LGALS3BP: variants seen among roughly 807,000 people sequenced by gnomAD.
LGALS3BP encodes galectin-3-binding protein.
Under a neutral mutation model 22.9 loss-of-function variants are expected in LGALS3BP, and 25 were observed. The ratio of observed to expected loss-of-function variants is 1.09; its 90% CI spans 0.80 to 1.53. LGALS3BP has a LOEUF of 1.53. Among genes scored for constraint, LGALS3BP ranks in the 40% most tolerant of loss-of-function variants. The pLI is 0.00. For synonymous variants in LGALS3BP, 335 were observed against 331.1 expected (o/e 1.01, Z -0.13); for missense variants, 718 against 752.0 (o/e 0.95, Z 0.53).
chr17:78,971,486 C>T lies in LGALS3BP; in HGVS notation c.*90G>A. 1 of 1,242,324 alleles carries T rather than the reference C, an allele frequency of 8.0e-7. No homozygotes were observed. The highest frequency in any genetic ancestry group is 1.5e-5 in the African/African-American group (1 of 66,400). 77.0% of individuals were successfully genotyped at this position (1,242,324 alleles called of 1,614,324 possible). A position where few individuals can be genotyped will look rare whatever the true frequency, so the allele number is the denominator to read the frequency against. On this transcript the variant is annotated 3_prime_UTR_variant, in exon 6 of 6. Coordinates refer to ENST00000262776, the MANE Select transcript of LGALS3BP (RefSeq NM_005567.4). This position sits in a 1 kb window ranked among gnomAD's most constrained non-coding sequence, Gnocchi z 5.6. The stretch of plus-strand genomic sequence containing the variant: ...CATCTGGTGGCCGGTTGTTGAAGGT[C>T]ATTGCAGAGAGGAAGGAAGCCGAGG...
At position 78,976,850 on chromosome 17, in the gene LGALS3BP, G is replaced by A; in HGVS notation, c.52+290C>T. 4.4e-6 allele frequency: 2 copies of A among 453,308 alleles called. No individual in the cohort carries two copies. The highest frequency in any genetic ancestry group is 8.0e-6 in the Non-Finnish European group (2 of 250,164). 28.1% of individuals were successfully genotyped at this position (453,308 alleles called of 1,614,324 possible). A position where few individuals can be genotyped will look rare whatever the true frequency, so the allele number is the denominator to read the frequency against. On this transcript the variant is annotated intron_variant, in intron 2 of 5. Coordinates refer to ENST00000262776, the MANE Select transcript of LGALS3BP (RefSeq NM_005567.4). The surrounding 1 kb of genome is among the most constrained non-coding windows in gnomAD (Gnocchi z 4.6). ...CGTCCAAGGCCACTGACCTCACAACGGCCCCTGTGACTGCTGGTTTGATCA... is the reference window on the plus strand; with the variant it reads ...CGTCCAAGGCCACTGACCTCACAACAGCCCCTGTGACTGCTGGTTTGATCA...
Position 78,972,077 on chromosome 17 carries a change from T to C in LGALS3BP, c.1257A>G (p.Thr419=). ...ACTTCCGTGCACTCCAGGAACTGTCTGTCACAAAGGCACTCCAGGTGGGCG... is the reference window on the plus strand; with the variant it reads ...ACTTCCGTGCACTCCAGGAACTGTCCGTCACAAAGGCACTCCAGGTGGGCG... ...YTSPTWSAFV[T]DSSWSARKSQ... Residue 419 remains threonine (T), a synonymous_variant, in exon 6 of 6, where the codon ACA becomes ACG. Coordinates refer to ENST00000262776, the MANE Select transcript of LGALS3BP (RefSeq NM_005567.4). This position sits in a 1 kb window ranked among gnomAD's most constrained non-coding sequence, Gnocchi z 5.1. 1.2e-6 allele frequency: 2 copies of C among 1,613,816 alleles called. No homozygotes were observed. Among genetic ancestry groups the C allele is most frequent in the Non-Finnish European group, 1.7e-6 (2 of 1,179,792 alleles).
Position 78,972,211 on chromosome 17 carries a change from T to G in LGALS3BP, c.1123A>C (p.Lys375Gln), listed in dbSNP as rs1218293468. 6.2e-7 allele frequency: 1 copy of G among 1,613,940 alleles called. No individual in the cohort carries two copies. Among genetic ancestry groups the G allele is most frequent in the South Asian group, 1.1e-5 (1 of 91,068 alleles). ...AATTCCAGGGCCTGCAGAGTCTTCT[T>G]CTGGAACAGGGCCTCGTGGCTCCAG... ...LYWSHEALFQ[K>Q]KTLQALEFHT... The change falls in exon 6 of 6, where the codon AAG becomes CAG. Residue 375 changes from lysine to glutamine, a missense_variant. Lys to Gln is a moderately conservative substitution (Grantham distance 53). Transcript: ENST00000262776. This position sits in a 1 kb window ranked among gnomAD's most constrained non-coding sequence, Gnocchi z 5.1.
chr17:78,972,832 G>T lies in LGALS3BP; in HGVS notation c.630-128C>A. The T allele has an allele frequency of 7.1e-7, 1 of 1,416,304 alleles. No homozygotes were observed. Among genetic ancestry groups the T allele is most frequent in the Non-Finnish European group, 9.5e-7 (1 of 1,050,980 alleles). 87.7% of individuals were successfully genotyped at this position (1,416,304 alleles called of 1,614,324 possible). A position where few individuals can be genotyped will look rare whatever the true frequency, so the allele number is the denominator to read the frequency against. On this transcript the variant is annotated intron_variant, in intron 5 of 5. Transcript: ENST00000262776. This position sits in a 1 kb window ranked among gnomAD's most constrained non-coding sequence, Gnocchi z 5.1. ...TGAGCATGCGTGTGTGTGCAACTGCGTGAGTGCATGTGTGACTGCGTGTGT... is the reference window on the plus strand; with the variant it reads ...TGAGCATGCGTGTGTGTGCAACTGCTTGAGTGCATGTGTGACTGCGTGTGT...
rs541114993 is a variant in LGALS3BP, at chr17:78,972,383, G to T, written c.951C>A (p.Ser317Arg). 5 of 1,613,470 alleles carry T rather than the reference G, an allele frequency of 3.1e-6. No individual in the cohort carries two copies. The highest frequency in any genetic ancestry group is 4.2e-6 in the Non-Finnish European group (5 of 1,180,022). The change falls in exon 6 of 6, where the codon AGC becomes AGA. Residue 317 changes from serine (S) to arginine (R), a missense_variant. By Grantham distance (110) the Ser-to-Arg change is moderately radical. Transcript: ENST00000262776. This position sits in a 1 kb window ranked among gnomAD's most constrained non-coding sequence, Gnocchi z 5.1. ...LLPRSDLAVP[S>R]ELALLKAVDT... ...CCACGGCCTTCAGTAGGGCCAGCTC[G>T]CTGGGCACCGCCAGGTCGCTCCTGG... is the stretch of plus-strand genomic sequence containing the variant.
In LGALS3BP at chr17:78,973,402, C is replaced by T. The variant is rs142877593; in HGVS notation, c.377-180G>A. ...GTCGGATTCCTGGACCCTGAGGCCCCGCCCCTTCCAGCCCTGGGGAACAAG... is the reference window on the plus strand; with the variant it reads ...GTCGGATTCCTGGACCCTGAGGCCCTGCCCCTTCCAGCCCTGGGGAACAAG... On this transcript the variant is annotated intron_variant, in intron 4 of 5. Transcript: ENST00000262776. The surrounding 1 kb of genome is among the most constrained non-coding windows in gnomAD (Gnocchi z 5.8). 5.7e-5 allele frequency: 41 copies of T among 724,406 alleles called. No homozygotes were observed. Among genetic ancestry groups the T allele is most frequent in the East Asian group, 5.5e-4 (20 of 36,262 alleles). The allele number at this position is 724,406 out of a possible 1,614,324, so 44.9% of individuals were successfully genotyped here.
At chr17:78,974,116 C>T (rs2145823245) in intron 4 of LGALS3BP, among the ~76,000 whole-genome samples, 1 of 152,382 alleles carries the variant, frequency 6.6e-6, no homozygotes, top group Admixed American at 6.5e-5. Context: ...GCCTTAGGGG[C>T]CTCCAACTCC....
Position 78,972,362 on chromosome 17 carries a change from G to C in LGALS3BP, c.972C>G (p.Ala324=), listed in dbSNP as rs572007354. 4 of 1,613,476 alleles carry C rather than the reference G, an allele frequency of 2.5e-6. No individual in the cohort carries two copies. In the East Asian group the frequency reaches 8.9e-5, roughly 36 times the overall value. ...AVPSELALLK[A]VDTWSWGERA... ...GCTCCCCCCAGCTCCAGGTGTCCAC[G>C]GCCTTCAGTAGGGCCAGCTCGCTGG... The change falls in exon 6 of 6, where the codon GCC becomes GCG. Residue 324 remains alanine, a synonymous_variant. Coordinates refer to ENST00000262776, the MANE Select transcript of LGALS3BP (RefSeq NM_005567.4). This position sits in a 1 kb window ranked among gnomAD's most constrained non-coding sequence, Gnocchi z 5.1.
chr17:78,974,731 G>C lies in LGALS3BP; in HGVS notation c.333C>G (p.Ser111Arg). The change falls in exon 4 of 6, where the codon AGC (serine) becomes AGG (arginine). Residue 111 changes from serine (S) to arginine (R), a missense_variant. Coordinates refer to ENST00000262776, the MANE Select transcript of LGALS3BP (RefSeq NM_005567.4). ...ADCKSLGWLK[S>R]NCRHERDAGV... ...CAGCGTCTCTCTCGTGCCTGCAGTT[G>C]CTCTTCAGCCAGCCCAGGGACTTGC... 1 of 1,613,864 alleles carries C rather than the reference G, an allele frequency of 6.2e-7. No individual in the cohort carries two copies. The highest frequency in any genetic ancestry group is 8.5e-7 in the Non-Finnish European group (1 of 1,180,000).
Position 78,973,208 on chromosome 17 carries a change from G to A in LGALS3BP, c.391C>T (p.His131Tyr), listed in dbSNP as rs1479096432. 1.3e-6 allele frequency: 2 copies of A among 1,548,360 alleles called. No individual in the cohort carries two copies. The highest frequency in any genetic ancestry group is 1.7e-6 in the Non-Finnish European group (2 of 1,145,786). Reference protein sequence around the residue: ...VVCTNETRSTHTLDLSRELSE... With the variant: ...VVCTNETRSTYTLDLSRELSE... ...AGCTCCCTGGAGAGGTCCAGGGTGT[G>A]GGTGCTCCTGGTTTCTAAGAAGGGG... Residue 131 changes from histidine to tyrosine, a missense_variant, in exon 5 of 6, where the codon CAC (histidine) becomes TAC (tyrosine). Transcript: ENST00000262776. The surrounding 1 kb of genome is among the most constrained non-coding windows in gnomAD (Gnocchi z 5.8).
Position 78,972,794 on chromosome 17 carries a change from C to A in LGALS3BP, c.630-90G>T. ...TGTCCAACACAGCCACCTGAGTGCA[C>A]ACAGTGTGGGAGTGAGCATGCGTGT... On this transcript the variant is annotated intron_variant, in intron 5 of 5. Coordinates refer to ENST00000262776, the MANE Select transcript of LGALS3BP (RefSeq NM_005567.4). The surrounding 1 kb of genome is among the most constrained non-coding windows in gnomAD (Gnocchi z 5.1). 6.8e-7 allele frequency: 1 copy of A among 1,473,896 alleles called. No homozygotes were observed. The highest frequency in any genetic ancestry group is 1.4e-5 in the African/African-American group (1 of 70,974). The allele number at this position is 1,473,896 out of a possible 1,614,324, so 91.3% of individuals were successfully genotyped here. A position where few individuals can be genotyped will look rare whatever the true frequency, so the allele number is the denominator to read the frequency against.
chr17:78,973,454 C>T lies in LGALS3BP; in HGVS notation c.377-232G>A, dbSNP rs150789278. 719 of 528,042 alleles carry T rather than the reference C, an allele frequency of 1.4e-3. No individual in the cohort carries two copies. The highest frequency in any genetic ancestry group is 1.8e-3 in the Non-Finnish European group (552 of 298,682). 32.7% of individuals were successfully genotyped at this position (528,042 alleles called of 1,614,324 possible). ...GCAGCTAGGACCTGGCCAAGCCTGT[C>T]CAGGCCCCCGCTTTAGGCCCTCTGC... On this transcript the variant is annotated intron_variant, in intron 4 of 5. Transcript: ENST00000262776. The surrounding 1 kb of genome is among the most constrained non-coding windows in gnomAD (Gnocchi z 5.8).
At chr17:78,975,715 T>C (rs1463034794) in intron 3 of LGALS3BP, among the ~76,000 whole-genome samples, 3 of 135,036 alleles carry the variant, frequency 2.2e-5, no homozygotes, top group Non-Finnish European at 3.1e-5. Flanking sequence ...TCACTTGAAC[T>C]CAGGAGGCGG....
chr17:78,972,883 G>GGT lies in LGALS3BP; in HGVS notation c.629+85_629+86dup. 3.2e-5 allele frequency: 48 copies of GGT among 1,498,628 alleles called. No homozygotes were observed. Among genetic ancestry groups the GGT allele is most frequent in the South Asian group, 5.1e-5 (4 of 79,130 alleles). The allele number at this position is 1,498,628 out of a possible 1,614,324, so 92.8% of individuals were successfully genotyped here. A position where few individuals can be genotyped will look rare whatever the true frequency, so the allele number is the denominator to read the frequency against. ...ACATGTGCATGCATGAGTATGTGCAGGTGTGTGTGTGGGGGGCTGTGCTTT... is the reference window on the plus strand; with the variant it reads ...ACATGTGCATGCATGAGTATGTGCAGGTGTGTGTGTGTGGGGGGCTGTGCTTT... On this transcript the variant is annotated intron_variant, in intron 5 of 5. Transcript: ENST00000262776. This position sits in a 1 kb window ranked among gnomAD's most constrained non-coding sequence, Gnocchi z 5.1.
In LGALS3BP at chr17:78,977,216, T is replaced by C. The variant is rs2070728595; in HGVS notation, c.-23-2A>G. On this transcript the variant is annotated splice_acceptor_variant, in intron 1 of 5. Transcript: ENST00000262776. LOFTEE classifies it low-confidence loss of function (5UTR_SPLICE). ...TGGCCGTGCCTGGATGCCCAGATCC[T>C]GCAGCAGACAGAAGCGGAGGGGTGA... 6.2e-7 allele frequency: 1 copy of C among 1,611,146 alleles called. No homozygotes were observed. The highest frequency in any genetic ancestry group is 2.2e-5 in the East Asian group (1 of 44,856).
chr17:78,974,903 G>A (rs981697196), intron 3 of LGALS3BP, 84 bp from the exon 4 acceptor site: 5 of 1,544,410 alleles, frequency 3.2e-6, no homozygotes, highest in East Asian at 4.6e-5. Context: ...TTTGTTCTCC[G>A]CCCCGGCCGT....
In LGALS3BP at chr17:78,972,637, C is replaced by A; in HGVS notation, c.697G>T (p.Ala233Ser). The A allele has an allele frequency of 6.5e-7, 1 of 1,542,324 alleles. No individual in the cohort carries two copies. The highest frequency in any genetic ancestry group is 1.3e-5 in the South Asian group (1 of 79,824). Reference protein sequence around the residue: ...SVKCFHKLASAYGARQLQGYC... With the variant: ...SVKCFHKLASSYGARQLQGYC... ...CCCTGCAGCTGCCTGGCCCCATAGG[C>A]AGAGGCCAGCTTGTGGAAGCACTTG... Residue 233 changes from alanine (A) to serine (S), a missense_variant, in exon 6 of 6, where the codon GCC (alanine) becomes TCC (serine). Physicochemically the swap from Ala to Ser is moderately conservative, Grantham distance 99. Coordinates refer to ENST00000262776, the MANE Select transcript of LGALS3BP (RefSeq NM_005567.4). This position sits in a 1 kb window ranked among gnomAD's most constrained non-coding sequence, Gnocchi z 5.1.
chr17:78,972,813 T>C lies in LGALS3BP; in HGVS notation c.630-109A>G, dbSNP rs2070685967. On this transcript the variant is annotated intron_variant, in intron 5 of 5. Transcript: ENST00000262776. The surrounding 1 kb of genome is among the most constrained non-coding windows in gnomAD (Gnocchi z 5.1). ...AGTGCACACAGTGTGGGAGTGAGCATGCGTGTGTGTGCAACTGCGTGAGTG... is the reference window on the plus strand; with the variant it reads ...AGTGCACACAGTGTGGGAGTGAGCACGCGTGTGTGTGCAACTGCGTGAGTG... 4.9e-6 allele frequency: 7 copies of C among 1,435,076 alleles called. No individual in the cohort carries two copies. The highest frequency in any genetic ancestry group is 1.9e-4 in the Middle Eastern group (1 of 5,330). 88.9% of individuals were successfully genotyped at this position (1,435,076 alleles called of 1,614,324 possible). A position where few individuals can be genotyped will look rare whatever the true frequency, so the allele number is the denominator to read the frequency against.
chr17:78,975,291 C>T (rs2070709830), intron 3 of LGALS3BP, among the ~76,000 whole-genome samples: 1 of 152,106 alleles, frequency 6.6e-6, no homozygotes, highest in Admixed American at 6.6e-5. Context: ...TTTCCAGAAT[C>T]GCAACTGCTG....
Sources: gnomAD v4.1 joint callset for allele counts (sites outside exome capture counted in the v4.1 genomes callset) on GRCh38, gnomAD v4.1.1 for gene constraint, Gnocchi (gnomAD v3.1) non-coding constraint, MANE v1.5 for transcripts, NCBI Gene and HGNC (gene_info 2026-07-23, HGNC 2026-07-21) for gene names.